DPY19L4: variants seen among roughly 807,000 people sequenced by gnomAD.
DPY19L4 encodes probable C-mannosyltransferase DPY19L4.
A neutral mutation model predicts 102.8 loss-of-function variants in DPY19L4; 97 were observed. That is an observed-to-expected ratio of 0.94 (90% CI 0.80 to 1.12). The LOEUF (loss-of-function observed/expected upper bound fraction) is 1.12, where lower values mean the gene tolerates loss of function less well. Among genes scored for constraint, DPY19L4 ranks in the 50% most tolerant of loss-of-function variants. The probability of loss-of-function intolerance (pLI) is 0.00; values close to 1 mark genes in which losing one functional copy is unlikely to be tolerated. For synonymous variants in DPY19L4, 252 were observed against 283.1 expected (o/e 0.89, Z 1.10); for missense variants, 815 against 850.4 (o/e 0.96, Z 0.52).
In DPY19L4 at chr8:94,792,692, T is replaced by C; in HGVS notation, c.*2782T>C. 1.3e-5 allele frequency: 2 copies of C among 152,280 alleles called. No homozygotes were observed. Among genetic ancestry groups the C allele is most frequent in the Non-Finnish European group, 2.9e-5 (2 of 68,186 alleles). 9.4% of individuals were successfully genotyped at this position (152,280 alleles called of 1,614,324 possible). ...TAACACGGTGAAACCCCGTCTCTACTGAAAATACAAAAAATTAGCCGGGCA... is the reference window on the plus strand; with the variant it reads ...TAACACGGTGAAACCCCGTCTCTACCGAAAATACAAAAAATTAGCCGGGCA... On this transcript the variant is annotated 3_prime_UTR_variant, in exon 19 of 19. Coordinates refer to ENST00000414645, the MANE Select transcript of DPY19L4 (RefSeq NM_181787.3).
chr8:94,751,409 C>T (rs561544101), intron 6 of DPY19L4, among the ~76,000 whole-genome samples: 10 of 151,864 alleles, frequency 6.6e-5, no homozygotes, highest in South Asian at 2.1e-4. Flanking sequence ...TGAGCCACCA[C>T]GCCCGGGACC....
intron 6 of DPY19L4, among the ~76,000 whole-genome samples, chr8:94,741,997 T>C (rs1811464912): frequency 6.6e-6 from 1 of 152,230 alleles, no homozygotes; most frequent in African/African-American, 2.4e-5. Context: ...TTTTCTAAAA[T>C]TCTATTAGGA....
intron 14 of DPY19L4, 142 bp downstream of exon 14, chr8:94,777,928 C>T (rs1813260610): frequency 9.0e-7 from 1 of 1,113,204 alleles, no homozygotes; most frequent in Non-Finnish European, 1.2e-6. Flanking sequence ...CTGCGCAAAA[C>T]ATTTTTAAAA....
At chr8:94,782,188 G>C (rs1301111953) in intron 16 of DPY19L4, among the ~76,000 whole-genome samples, 1 of 152,184 alleles carries the variant, frequency 6.6e-6, no homozygotes, top group Admixed American at 6.5e-5. Context: ...GGGTTAGGGT[G>C]CTGGGGAGGA....
At chr8:94,789,124 T>C (rs1056641912) in intron 18 of DPY19L4, among the ~76,000 whole-genome samples, 3 of 152,222 alleles carry the variant, frequency 2.0e-5, no homozygotes, top group African/African-American at 7.2e-5. Flanking sequence ...TCTATTCTGC[T>C]CTGATACCCA....
chr8:94,778,842 A>G (rs1813301872), intron 14 of DPY19L4, among the ~76,000 whole-genome samples: 1 of 152,094 alleles, frequency 6.6e-6, no homozygotes, highest in Admixed American at 6.6e-5. Context: ...AAAGCACAAT[A>G]TATTTAGTTT....
chr8:94,752,679 T>TTG (rs1181555333), intron 6 of DPY19L4, among the ~76,000 whole-genome samples: 26 of 147,000 alleles, frequency 1.8e-4, no homozygotes, highest in South Asian at 2.1e-4. Flanking sequence ...ATTTTTTTTT[T>TTG]TGTGTGATGG....
In DPY19L4 at chr8:94,739,878, C is replaced by A. The variant is rs1811368126; in HGVS notation, c.611+88C>A. ...AAAATGCCTCCCCTCCCCAACAGTC[C>A]TCACTCTAATCCTCAGAACCTATGA... On this transcript the variant is annotated intron_variant, in intron 6 of 18. Transcript: ENST00000414645. 3 of 1,476,180 alleles carry A rather than the reference C, an allele frequency of 2.0e-6. No individual in the cohort carries two copies. The Admixed American group carries it at 5.4e-5, about 27-fold the overall frequency. The allele number at this position is 1,476,180 out of a possible 1,614,324, so 91.4% of individuals were successfully genotyped here.
chr8:94,734,866 C>T (rs1052814697), intron 3 of DPY19L4, 112 bp downstream of exon 3: 1 of 1,405,344 alleles, frequency 7.1e-7, no homozygotes, highest in Non-Finnish European at 9.7e-7. Context: ...GAACAAAATG[C>T]TCCAGAAGCT....
At chr8:94,767,090 A>G (rs906762270) in intron 11 of DPY19L4, among the ~76,000 whole-genome samples, 4 of 150,516 alleles carry the variant, frequency 2.7e-5, no homozygotes, top group African/African-American at 9.8e-5. Context: ...AAAAAATACC[A>G]CTTAGAATGT....
chr8:94,733,326 C>G (rs533542524), intron 2 of DPY19L4, among the ~76,000 whole-genome samples: 1 of 151,456 alleles, frequency 6.6e-6, no homozygotes, highest in African/African-American at 2.4e-5. Flanking sequence ...GGGGTTTCAC[C>G]GTGTTAGCCA....
chr8:94,783,187 G>A (rs1319224674), intron 16 of DPY19L4, among the ~76,000 whole-genome samples: 1 of 152,208 alleles, frequency 6.6e-6, no homozygotes, highest in Non-Finnish European at 1.5e-5. Context: ...GAGTGGAGGA[G>A]TCCTATATGT....
Position 94,788,035 on chromosome 8 carries a change from G to A in DPY19L4, c.1990G>A (p.Asp664Asn), listed in dbSNP as rs758333348. The A allele has an allele frequency of 6.1e-6, 9 of 1,466,070 alleles. No homozygotes were observed. The highest frequency in any genetic ancestry group is 7.2e-6 in the Non-Finnish European group (8 of 1,108,978). 90.8% of individuals were successfully genotyped at this position (1,466,070 alleles called of 1,614,324 possible). A position where few individuals can be genotyped will look rare whatever the true frequency, so the allele number is the denominator to read the frequency against. ...MRGCRVKDLLDIANGHMVCEE... is the reference protein window; with the variant it reads ...MRGCRVKDLLNIANGHMVCEE... ...AGGCTGTAGGGTTAAAGATTTATTA[G>A]ACATTGCAAATGGCCACGTAAGTAA... The change falls in exon 18 of 19, where the codon GAC (aspartate) becomes AAC (asparagine). Residue 664 changes from aspartate to asparagine, a missense_variant. Asp to Asn is a conservative substitution (Grantham distance 23). Coordinates refer to ENST00000414645, the MANE Select transcript of DPY19L4 (RefSeq NM_181787.3).
At chr8:94,729,774 T>C (rs1355061483) in intron 2 of DPY19L4, among the ~76,000 whole-genome samples, 2 of 151,818 alleles carry the variant, frequency 1.3e-5, no homozygotes, top group East Asian at 3.9e-4. Context: ...GTGTTTGCAG[T>C]GAGCCAGGAT....
intron 17 of DPY19L4, among the ~76,000 whole-genome samples, chr8:94,786,259 G>A (rs185718710): frequency 1.6e-3 from 244 of 150,812 alleles, no homozygotes; most frequent in African/African-American, 5.3e-3. Context: ...TCTGAGTAGC[G>A]GGGACTACAG....
At chr8:94,732,417 A>G (rs1454482912) in intron 2 of DPY19L4, among the ~76,000 whole-genome samples, 1 of 152,168 alleles carries the variant, frequency 6.6e-6, no homozygotes, top group Non-Finnish European at 1.5e-5. Context: ...TACAGGCTGG[A>G]GGCAGTGGCT....
intron 1 of DPY19L4, among the ~76,000 whole-genome samples, chr8:94,722,379 C>T (rs575826096): frequency 6.6e-6 from 1 of 152,238 alleles, no homozygotes; most frequent in Non-Finnish European, 1.5e-5. Flanking sequence ...TGCACTCCAG[C>T]CTGGGTGACA....
At position 94,768,558 on chromosome 8, in the gene DPY19L4, G is replaced by T; in HGVS notation, c.1334+5G>T. The stretch of plus-strand genomic sequence containing the variant: ...AGTTATTTTTAGGAGGATTAAGTAA[G>T]TACCTATGAGAATCAATCATATTAC... On this transcript the variant is annotated splice_donor_5th_base_variant and intron_variant, in intron 12 of 18. Coordinates refer to ENST00000414645, the MANE Select transcript of DPY19L4 (RefSeq NM_181787.3). The T allele has an allele frequency of 7.1e-7, 1 of 1,412,228 alleles. No individual in the cohort carries two copies. Among genetic ancestry groups the T allele is most frequent in the South Asian group, 1.3e-5 (1 of 77,078 alleles). 87.5% of individuals were successfully genotyped at this position (1,412,228 alleles called of 1,614,324 possible).
intron 7 of DPY19L4, among the ~76,000 whole-genome samples, chr8:94,756,411 A>G (rs373928949): frequency 4.6e-5 from 7 of 152,228 alleles, no homozygotes; most frequent in Admixed American, 4.6e-4. Context: ...TATATGAAAC[A>G]TATCTTATTT....
Sources: gnomAD v4.1 joint callset for allele counts (sites outside exome capture counted in the v4.1 genomes callset) on GRCh38, gnomAD v4.1.1 for gene constraint, MANE v1.5 for transcripts, NCBI Gene and HGNC (gene_info 2026-07-23, HGNC 2026-07-21) for gene names.